CTNNA3: variants seen among roughly 807,000 people sequenced by gnomAD.
CTNNA3 encodes the protein catenin alpha 3, also known as catenin alpha-3.
Under a neutral mutation model 95.7 loss-of-function variants are expected in CTNNA3, and 76 were observed. The ratio of observed to expected loss-of-function variants is 0.79; its 90% CI spans 0.66 to 0.96. CTNNA3 has a LOEUF of 0.96. CTNNA3 is among the 40% of genes least tolerant of loss of function. The probability of loss-of-function intolerance (pLI) is 0.00; values close to 1 mark genes in which losing one functional copy is unlikely to be tolerated. For synonymous variants in CTNNA3, 431 were observed against 374.4 expected (o/e 1.15, Z -1.74); for missense variants, 1,191 against 1,089.8 (o/e 1.09, Z -1.31).
At chr10:67,231,949 G>C (rs957157881) in intron 5 of CTNNA3, among the ~76,000 whole-genome samples, 1 of 152,134 alleles carries the variant, frequency 6.6e-6, no homozygotes, top group Non-Finnish European at 1.5e-5. Flanking sequence ...AGTGAGAAGG[G>C]AAGTTTAGAC....
At position 67,488,672 on chromosome 10, in the gene CTNNA3, C is replaced by CTTTTTTTT. The variant is rs565227051; in HGVS notation, c.579+33162_579+33169dup. Among the ~76,000 whole-genome samples the CTTTTTTTT allele has an allele frequency of 1.9e-4, 25 of 130,760 alleles. 1 individual carries two copies. The highest frequency in any genetic ancestry group is 5.5e-4 in the African/African-American group (18 of 33,010). The allele number at this position is 130,760 out of a possible 152,430, so 85.8% of individuals were successfully genotyped here. On this transcript the variant is annotated intron_variant, in intron 5 of 17. Coordinates refer to ENST00000433211, the MANE Select transcript of CTNNA3 (RefSeq NM_013266.4). Reference sequence around the variant, plus strand: ...AGGTGTGAGCCAAAGTGCCCGGCCTCTTTTTTTTTTTTTTTTGAGACAAAG... The same window carrying CTTTTTTTT: ...AGGTGTGAGCCAAAGTGCCCGGCCTCTTTTTTTTTTTTTTTTTTTTTTTTGAGACAAAG...
At chr10:66,300,837 A>C (rs2091850851) in intron 12 of CTNNA3, among the ~76,000 whole-genome samples, 1 of 152,076 alleles carries the variant, frequency 6.6e-6, no homozygotes, top group African/African-American at 2.4e-5. Context: ...TAGAGCAAAA[A>C]TCAATGAATT....
chr10:67,728,084 T>TATAATATGTAAG (rs1275360767), intron 1 of CTNNA3, among the ~76,000 whole-genome samples: 1 of 143,310 alleles, frequency 7.0e-6, no homozygotes, highest in Non-Finnish European at 1.5e-5. Flanking sequence ...TTATATATTA[T>TATAATATGTAAG]ATAATATGTA....
At chr10:67,582,759 T>G (rs943509594) in intron 3 of CTNNA3, among the ~76,000 whole-genome samples, 1 of 152,154 alleles carries the variant, frequency 6.6e-6, no homozygotes, top group African/African-American at 2.4e-5. Context: ...TTGGTGCATG[T>G]ATATTTAGGA....
intron 15 of CTNNA3, among the ~76,000 whole-genome samples, chr10:66,011,469 C>T (rs948262367): frequency 2.0e-5 from 3 of 152,126 alleles, no homozygotes; most frequent in African/African-American, 4.8e-5. Flanking sequence ...GCTACCCATA[C>T]TGGTAAGTTT....
intron 12 of CTNNA3, among the ~76,000 whole-genome samples, chr10:66,286,174 A>T (rs1483793181): frequency 6.6e-6 from 1 of 152,058 alleles, no homozygotes. Flanking sequence ...GTAAACATCA[A>T]CAATATCCTA....
chr10:66,647,191 A>G (rs1310899090), intron 9 of CTNNA3, among the ~76,000 whole-genome samples: 2 of 152,172 alleles, frequency 1.3e-5, no homozygotes, highest in Non-Finnish European at 2.9e-5. Context: ...ATTAACATCT[A>G]AAGGGTTCAT....
At chr10:67,457,644 AT>A (rs1411855654) in intron 5 of CTNNA3, among the ~76,000 whole-genome samples, 2 of 152,188 alleles carry the variant, frequency 1.3e-5, no homozygotes, top group Non-Finnish European at 2.9e-5. Flanking sequence ...ATTAGGCCGC[AT>A]GGGCTAAAAT....
intron 15 of CTNNA3, among the ~76,000 whole-genome samples, chr10:65,989,656 T>C (rs2078498924): frequency 6.6e-6 from 1 of 152,196 alleles, no homozygotes; most frequent in Non-Finnish European, 1.5e-5. Context: ...GAATGTGTAA[T>C]GATTAAGTAA....
intron 11 of CTNNA3, among the ~76,000 whole-genome samples, chr10:66,514,575 C>T (rs528856659): frequency 1.5e-4 from 23 of 152,130 alleles, no homozygotes; most frequent in Admixed American, 3.3e-4. Flanking sequence ...CATTGTCAAT[C>T]GCTTCCACCA....
chr10:65,993,105 A>G (rs1405970443), intron 15 of CTNNA3, among the ~76,000 whole-genome samples: 3 of 152,160 alleles, frequency 2.0e-5, no homozygotes, highest in African/African-American at 7.2e-5. Context: ...ATAGGAGGAC[A>G]CTTGGTATGC....
chr10:66,219,590 C>A (rs993749053), intron 13 of CTNNA3, among the ~76,000 whole-genome samples: 2 of 151,678 alleles, frequency 1.3e-5, no homozygotes, highest in Admixed American at 6.6e-5. Context: ...CATGAGAAAC[C>A]TTAGAGTCAG....
intron 7 of CTNNA3, among the ~76,000 whole-genome samples, chr10:67,138,968 C>T (rs1182478991): frequency 6.6e-6 from 1 of 152,054 alleles, no homozygotes; most frequent in African/African-American, 2.4e-5. Flanking sequence ...ATATATTTAG[C>T]AGATGTAAAT....
chr10:66,895,172 T>G (rs543206896), intron 7 of CTNNA3, among the ~76,000 whole-genome samples: 5 of 151,348 alleles, frequency 3.3e-5, no homozygotes, highest in African/African-American at 1.2e-4. Flanking sequence ...CTAAATATAA[T>G]CCTTTCGGAG....
At chr10:67,237,632 C>T (rs1320534978) in intron 5 of CTNNA3, among the ~76,000 whole-genome samples, 1 of 151,710 alleles carries the variant, frequency 6.6e-6, no homozygotes, top group Non-Finnish European at 1.5e-5. Flanking sequence ...AACAAAAGAG[C>T]ATGTGGAAAG....
At chr10:66,741,146 T>A (rs1849313367) in intron 9 of CTNNA3, among the ~76,000 whole-genome samples, 1 of 152,204 alleles carries the variant, frequency 6.6e-6, no homozygotes, top group Non-Finnish European at 1.5e-5. Context: ...GATATCTTAG[T>A]AGATTTCAGA....
intron 6 of CTNNA3, among the ~76,000 whole-genome samples, chr10:67,193,927 C>T (rs1214871928): frequency 3.3e-5 from 5 of 152,100 alleles, no homozygotes; most frequent in Non-Finnish European, 7.4e-5. Context: ...TAGGCTCCCA[C>T]TAGCTGTGTA....
chr10:66,594,043 C>T (rs372707230), intron 10 of CTNNA3, among the ~76,000 whole-genome samples: 3 of 152,112 alleles, frequency 2.0e-5, no homozygotes, highest in Admixed American at 6.5e-5. Flanking sequence ...TCTCTTCCAC[C>T]TGACACTTCC....
At chr10:65,961,390 C>T (rs192794829) in intron 17 of CTNNA3, among the ~76,000 whole-genome samples, 53 of 152,232 alleles carry the variant, frequency 3.5e-4, no homozygotes, top group African/African-American at 1.3e-3. Flanking sequence ...AAATGCAAAA[C>T]CCAATGTGTA....
Sources: gnomAD v4.1 joint callset for allele counts (sites outside exome capture counted in the v4.1 genomes callset) on GRCh38, gnomAD v4.1.1 for gene constraint, MANE v1.5 for transcripts, NCBI Gene and HGNC (gene_info 2026-07-23, HGNC 2026-07-21) for gene names.